SPATA1: variants seen among roughly 807,000 people sequenced by gnomAD.
The protein encoded by SPATA1 is spermatogenesis-associated protein 1.
A neutral mutation model predicts 59.6 loss-of-function variants in SPATA1; 57 were observed. That is an observed-to-expected ratio of 0.96 (90% CI 0.77 to 1.19). The LOEUF (loss-of-function observed/expected upper bound fraction) is 1.19, where lower values mean the gene tolerates loss of function less well. Ranked by LOEUF, SPATA1 falls within the 50% of genes most tolerant of loss-of-function variation. The pLI is 0.00. For synonymous variants in SPATA1, 147 were observed against 163.9 expected (o/e 0.90, Z 0.79); for missense variants, 448 against 480.7 (o/e 0.93, Z 0.64).
chr1:84,561,100 T>A (rs1265797750), intron 4 of SPATA1, among the ~76,000 whole-genome samples: 1 of 152,240 alleles, frequency 6.6e-6, no homozygotes. Context: ...ACTCCTTTCA[T>A]GGATCTGGCC....
At chr1:84,509,404 A>G (rs1342951539) in intron 1 of SPATA1, among the ~76,000 whole-genome samples, 1 of 152,226 alleles carries the variant, frequency 6.6e-6, no homozygotes, top group African/African-American at 2.4e-5. Context: ...CTCCTCGTAT[A>G]CCAAAATCAA....
At chr1:84,528,560 C>T (rs114499590) in intron 6 of SPATA1, among the ~76,000 whole-genome samples, 1 of 152,272 alleles carries the variant, frequency 6.6e-6, no homozygotes, top group Non-Finnish European at 1.5e-5. Flanking sequence ...CATTGTTGTG[C>T]TATTCCATTT....
intron 1 of SPATA1, among the ~76,000 whole-genome samples, chr1:84,514,361 T>C (rs1355602496): frequency 6.6e-6 from 1 of 152,234 alleles, no homozygotes; most frequent in Non-Finnish European, 1.5e-5. Flanking sequence ...TTAGAAGGGA[T>C]ACTATAGGTT....
At chr1:84,508,579 G>A (rs531478561) in intron 1 of SPATA1, among the ~76,000 whole-genome samples, 4 of 151,602 alleles carry the variant, frequency 2.6e-5, no homozygotes, top group African/African-American at 7.3e-5. Flanking sequence ...GCAGAGCACT[G>A]TCAATTTAAA....
chr1:84,561,742 C>A (rs1684598741), intron 4 of SPATA1, among the ~76,000 whole-genome samples: 1 of 152,216 alleles, frequency 6.6e-6, no homozygotes, highest in Non-Finnish European at 1.5e-5. Context: ...CAAGGCAAGA[C>A]ACTCTTCCAG....
At position 84,548,989 on chromosome 1, in the gene SPATA1, C is replaced by T. The variant is rs547197111; in HGVS notation, c.1125+25C>T. On this transcript the variant is annotated intron_variant, in intron 11 of 12. Transcript: ENST00000490879. ...GGTATTACTAAATGTATCCCCCTTC[C>T]GTTAGAGAAGTTCTGTTCAAAACAC... The T allele has an allele frequency of 2.4e-5, 37 of 1,517,098 alleles. No individual in the cohort carries two copies. In the Admixed American group the frequency reaches 3.5e-4, roughly 15 times the overall value. 94.0% of individuals were successfully genotyped at this position (1,517,098 alleles called of 1,614,324 possible).
At chr1:84,508,179 A>G (rs1023172215) in intron 1 of SPATA1, among the ~76,000 whole-genome samples, 5 of 151,630 alleles carry the variant, frequency 3.3e-5, no homozygotes, top group Admixed American at 3.3e-4. Flanking sequence ...GCTGCCCAGG[A>G]GGCTTGATGC....
At chr1:84,552,890 G>A (rs888315645) in intron 12 of SPATA1, 3 of 595,116 alleles carry the variant, frequency 5.0e-6, no homozygotes, top group Non-Finnish European at 8.9e-6. Flanking sequence ...ATTTACTGTA[G>A]TAATCCAGTG....
intron 8 of SPATA1, among the ~76,000 whole-genome samples, chr1:84,542,927 CCTATATATA>C (rs1683958844): frequency 6.6e-6 from 1 of 152,038 alleles, no homozygotes; most frequent in African/African-American, 2.4e-5. Context: ...AGAACTCAAC[CCTATATATA>C]CTATATATAC....
chr1:84,546,141 G>T (rs969030828), intron 10 of SPATA1, among the ~76,000 whole-genome samples: 2 of 152,184 alleles, frequency 1.3e-5, no homozygotes, highest in African/African-American at 4.8e-5. Context: ...GTGGGGAAAT[G>T]ATAAGCAAGT....
At chr1:84,565,993 C>A in exon 5 of SPATA1, 2 of 1,551,574 alleles carry the variant, frequency 1.3e-6, no homozygotes, top group South Asian at 1.3e-5. Context: ...CTTTGGAGAC[C>A]AAGCTACATC....
intron 8 of SPATA1, among the ~76,000 whole-genome samples, chr1:84,536,975 G>A (rs1174046891): frequency 1.3e-5 from 2 of 150,504 alleles, no homozygotes; most frequent in South Asian, 2.1e-4. Context: ...TGCCACCCAG[G>A]TTCAAGCGAT....
chr1:84,557,782 C>T (rs1348324891), downstream of SPATA1, among the ~76,000 whole-genome samples: 1 of 147,190 alleles, frequency 6.8e-6, no homozygotes, highest in Admixed American at 6.8e-5. Context: ...GGCGTGAACC[C>T]GGGAGGCGGA....
chr1:84,533,494 A>C (rs1300181085), intron 7 of SPATA1, among the ~76,000 whole-genome samples: 1 of 152,106 alleles, frequency 6.6e-6, no homozygotes, highest in Non-Finnish European at 1.5e-5. Flanking sequence ...ATTTAGCTAT[A>C]ATATAATAAA....
At chr1:84,521,338 A>G (rs1683017670) in intron 3 of SPATA1, among the ~76,000 whole-genome samples, 1 of 152,234 alleles carries the variant, frequency 6.6e-6, no homozygotes, top group African/African-American at 2.4e-5. Context: ...AAATTCACAA[A>G]AAGACACATA....
downstream of SPATA1, among the ~76,000 whole-genome samples, chr1:84,558,341 G>C (rs554465525): frequency 3.5e-4 from 53 of 150,834 alleles, no homozygotes; most frequent in African/African-American, 1.2e-3. Context: ...CCAGGCTGGA[G>C]TGCAGTGGCG....
exon 13 of SPATA1, chr1:84,553,105 A>G: frequency 6.6e-7 from 1 of 1,505,758 alleles, no homozygotes; most frequent in Non-Finnish European, 8.9e-7. Flanking sequence ...AAAATAATAC[A>G]TCTCTACAAT....
downstream of SPATA1, chr1:84,554,949 CT>C (rs775151391): frequency 7.0e-7 from 1 of 1,433,106 alleles, no homozygotes; most frequent in Non-Finnish European, 9.7e-7. Flanking sequence ...GAAACTAGAT[CT>C]GTTGATACAG....
chr1:84,510,866 A>G (rs965844772), intron 1 of SPATA1, among the ~76,000 whole-genome samples: 15 of 152,334 alleles, frequency 9.8e-5, no homozygotes, highest in Middle Eastern at 6.8e-3. Flanking sequence ...TTGCAACAAC[A>G]TGGATAGAAC....
Sources: allele counts gnomAD v4.1 joint callset (sites outside exome capture counted in the v4.1 genomes callset), GRCh38; gene constraint gnomAD v4.1.1; transcripts MANE v1.5; gene names NCBI Gene and HGNC (gene_info 2026-07-23, HGNC 2026-07-21).